SHANK2: variants seen among roughly 807,000 people sequenced by gnomAD.
SHANK2 encodes SH3 and multiple ankyrin repeat domains protein 2.
SHANK2 carries 43 observed loss-of-function variants against 133.7 expected under a neutral mutation model. The ratio of observed to expected loss-of-function variants is 0.32; its 90% CI spans 0.25 to 0.41. SHANK2 has a LOEUF of 0.41. Ranked by LOEUF, SHANK2 falls within the 10% of genes least tolerant of loss-of-function variation. The probability of loss-of-function intolerance (pLI) is 1.00; values close to 1 mark genes in which losing one functional copy is unlikely to be tolerated. For synonymous variants in SHANK2, 1,017 were observed against 952.8 expected (o/e 1.07, Z -1.24); for missense variants, 1,994 against 2,235.8 (o/e 0.89, Z 2.18).
At chr11:70,872,047 T>A (rs1565373958) in intron 11 of SHANK2, among the ~76,000 whole-genome samples, 1 of 152,184 alleles carries the variant, frequency 6.6e-6, no homozygotes. Context: ...GCTGCCTGCT[T>A]CTGCAGCAGT....
intron 1 of SHANK2, among the ~76,000 whole-genome samples, chr11:71,229,038 ATCTT>A (rs1248469525): frequency 2.6e-5 from 4 of 152,220 alleles, no homozygotes; most frequent in African/African-American, 9.6e-5. Context: ...AAAATTCAGC[ATCTT>A]TCTTTGAGAA....
intron 6 of SHANK2, among the ~76,000 whole-genome samples, chr11:71,107,471 G>A (rs1951818669): frequency 6.6e-6 from 1 of 152,198 alleles, no homozygotes; most frequent in Non-Finnish European, 1.5e-5. Context: ...CAGCCCAGAG[G>A]CTTGTCATCG....
intron 14 of SHANK2, among the ~76,000 whole-genome samples, chr11:70,701,945 T>TCACCAC (rs1555023789): frequency 2.1e-5 from 3 of 146,036 alleles, no homozygotes; most frequent in Non-Finnish European, 4.5e-5. Flanking sequence ...ACCACCACCA[T>TCACCAC]CACCACCACC....
intron 2 of SHANK2, among the ~76,000 whole-genome samples, chr11:71,151,364 G>A (rs78831616): frequency 0.012 from 1,759 of 152,240 alleles, 27 homozygotes; most frequent in African/African-American, 0.04. Flanking sequence ...GGGTAGCGGG[G>A]TGCACTGGAA....
chr11:71,225,476 G>A (rs1386985609), intron 1 of SHANK2, among the ~76,000 whole-genome samples: 1 of 152,188 alleles, frequency 6.6e-6, no homozygotes, highest in Non-Finnish European at 1.5e-5. Context: ...TGTCAGTAAT[G>A]AGGTGACACC....
chr11:70,538,658 C>T (rs79717447), intron 17 of SHANK2, among the ~76,000 whole-genome samples: 6,251 of 152,308 alleles, frequency 0.041, 227 homozygotes, highest in East Asian at 0.1. Context: ...ACTCTTGCTC[C>T]GTCAGTGGTG....
chr11:70,754,439 G>A (rs896277103), intron 14 of SHANK2, among the ~76,000 whole-genome samples: 2 of 152,186 alleles, frequency 1.3e-5, no homozygotes, highest in Non-Finnish European at 2.9e-5. Flanking sequence ...GGAGTGCAAG[G>A]CTGGTTCAAT....
At chr11:71,120,374 A>G (rs188944445) in intron 3 of SHANK2, among the ~76,000 whole-genome samples, 4 of 152,352 alleles carry the variant, frequency 2.6e-5, no homozygotes, top group Admixed American at 2.0e-4. Context: ...TTGATTGAAT[A>G]TAAGACTCAA....
At chr11:70,899,869 G>A (rs1949999671) in intron 10 of SHANK2, among the ~76,000 whole-genome samples, 1 of 152,254 alleles carries the variant, frequency 6.6e-6, no homozygotes, top group South Asian at 2.1e-4. Flanking sequence ...GGCCCCAGAG[G>A]TGGAGGGCAT....
At chr11:70,533,121 G>T (rs576581505) in intron 17 of SHANK2, among the ~76,000 whole-genome samples, 1 of 152,208 alleles carries the variant, frequency 6.6e-6, no homozygotes. Flanking sequence ...CCTTGGGGAC[G>T]GGGTTTCCTT....
chr11:70,545,729 C>T (rs1395244540), intron 17 of SHANK2, among the ~76,000 whole-genome samples: 1 of 152,230 alleles, frequency 6.6e-6, no homozygotes, highest in Non-Finnish European at 1.5e-5. Context: ...CAGTTCAATT[C>T]TGACAGTACC....
At chr11:70,848,763 G>A (rs932146187) in intron 11 of SHANK2, among the ~76,000 whole-genome samples, 10 of 152,196 alleles carry the variant, frequency 6.6e-5, no homozygotes, top group South Asian at 2.1e-4. Flanking sequence ...GATGTACCAC[G>A]TCCAGTGATG....
intron 21 of SHANK2, among the ~76,000 whole-genome samples, chr11:70,499,058 G>C (rs187810225): frequency 9.6e-4 from 146 of 152,294 alleles, no homozygotes; most frequent in Non-Finnish European, 8.1e-4. Context: ...TGCTTTTTCC[G>C]AGGCGAGGCC....
chr11:71,190,751 C>T (rs576627089), intron 2 of SHANK2, among the ~76,000 whole-genome samples: 6 of 152,300 alleles, frequency 3.9e-5, no homozygotes, highest in Admixed American at 2.0e-4. Context: ...CAGGCAGAGC[C>T]GAGTCCCAAT....
At chr11:70,808,265 G>C (rs1489069496) in intron 12 of SHANK2, among the ~76,000 whole-genome samples, 4 of 152,040 alleles carry the variant, frequency 2.6e-5, no homozygotes, top group Admixed American at 1.3e-4. Context: ...GCAGTGGCAT[G>C]ATCTCGGCTC....
chr11:70,928,199 C>T (rs1165456454), intron 10 of SHANK2, among the ~76,000 whole-genome samples: 3 of 152,148 alleles, frequency 2.0e-5, no homozygotes, highest in African/African-American at 7.2e-5. Context: ...AGGGCATTGT[C>T]GCCGATACCT....
chr11:70,642,075 G>A (rs1160450485), intron 17 of SHANK2, among the ~76,000 whole-genome samples: 1 of 152,206 alleles, frequency 6.6e-6, no homozygotes, highest in African/African-American at 2.4e-5. Context: ...GAAGGACAGG[G>A]GCTGGGGTCA....
intron 11 of SHANK2, among the ~76,000 whole-genome samples, chr11:70,831,108 C>T (rs1948718009): frequency 6.6e-6 from 1 of 152,126 alleles, no homozygotes. Context: ...GGGCTGGGGG[C>T]AGGCGGGTAG....
chr11:70,652,475 C>T (rs2061349386), intron 17 of SHANK2, among the ~76,000 whole-genome samples: 1 of 152,060 alleles, frequency 6.6e-6, no homozygotes, highest in African/African-American at 2.4e-5. Flanking sequence ...CTGAGTCAGG[C>T]ATCATTAATG....
Sources: allele counts gnomAD v4.1 joint callset (sites outside exome capture counted in the v4.1 genomes callset), GRCh38; gene constraint gnomAD v4.1.1; transcripts MANE v1.5; gene names NCBI Gene and HGNC (gene_info 2026-07-23, HGNC 2026-07-21).